C4orf54: variants seen among roughly 807,000 people sequenced by gnomAD.
The protein encoded by C4orf54 is uncharacterized protein C4orf54.
In C4orf54, 67 loss-of-function variants were observed where a neutral mutation model predicts 80.1. That is an observed-to-expected ratio of 0.84 (90% confidence interval 0.69 to 1.03). C4orf54 has a LOEUF of 1.03. Ranked by LOEUF, C4orf54 falls within the 50% of genes least tolerant of loss-of-function variation. The pLI, the probability that C4orf54 is intolerant of heterozygous loss-of-function variation, is 0.00. For missense variants in C4orf54, 2,434 were observed against 2,253.5 expected (o/e 1.08, Z -1.62); for synonymous variants, 1,000 against 917.0 (o/e 1.09, Z -1.64).
In C4orf54 at chr4:99,654,366, C is replaced by A; in HGVS notation, c.283G>T (p.Ala95Ser). 1 of 1,034,608 alleles carries A rather than the reference C, an allele frequency of 9.7e-7. No homozygotes were observed. The highest frequency in any genetic ancestry group is 1.5e-6 in the Non-Finnish European group (1 of 688,922). The allele number at this position is 1,034,608 out of a possible 1,614,324, so 64.1% of individuals were successfully genotyped here. A position where few individuals can be genotyped will look rare whatever the true frequency, so the allele number is the denominator to read the frequency against. Residue 95 changes from alanine to serine, a missense_variant, in exon 2 of 3, where the codon GCA (alanine) becomes TCA (serine). Coordinates refer to ENST00000511828, the MANE Select transcript of C4orf54 (RefSeq NM_001354435.2). Reference protein sequence around the residue: ...KNWEVVAAVAAVPTALGPVQI... With the variant: ...KNWEVVAAVASVPTALGPVQI... ...ACTGGCCCCAAGGCTGTAGGCACTG[C>A]TGCCACTGCTGCCACCACCTCCCAG...
rs1218088871 is a variant in C4orf54 at position 99,654,089 on chromosome 4, G to A, written c.560C>T (p.Ser187Phe). The A allele has an allele frequency of 2.0e-6, 3 of 1,536,036 alleles. No individual in the cohort carries two copies. Among genetic ancestry groups the A allele is most frequent in the African/African-American group, 1.4e-5 (1 of 73,050 alleles). Reference protein sequence around the residue: ...QLWPLPKPSASSQREAKYVDM... With the variant: ...QLWPLPKPSAFSQREAKYVDM... ...CACATATTTCGCTTCTCGCTGGGAGGAGGCTGAAGGCTTGGGAAGTGGCCA... is the reference window on the plus strand; with the variant it reads ...CACATATTTCGCTTCTCGCTGGGAGAAGGCTGAAGGCTTGGGAAGTGGCCA... Residue 187 changes from serine (S) to phenylalanine (F), a missense_variant, in exon 2 of 3, where the codon TCC (serine) becomes TTC (phenylalanine). Physicochemically the swap from Ser to Phe is radical, Grantham distance 155. Coordinates refer to ENST00000511828, the MANE Select transcript of C4orf54 (RefSeq NM_001354435.2).
In C4orf54 at chr4:99,651,729, C is replaced by A. The variant is rs1254988188; in HGVS notation, c.2920G>T (p.Ala974Ser). Reference sequence around the variant, plus strand: ...CTGGCAGAAATCTCCCCGAGATCAGCCCGCCAGTCGCCTCCTTTGGGCAGC... The same window carrying A: ...CTGGCAGAAATCTCCCCGAGATCAGACCGCCAGTCGCCTCCTTTGGGCAGC... ...LKLPKGGDWR[A>S]DLGEISASKN... The change falls in exon 2 of 3, where the codon GCT becomes TCT. Residue 974 changes from alanine (A) to serine (S), a missense_variant. By Grantham distance (99) the Ala-to-Ser change is moderately conservative (BLOSUM62 1). Transcript: ENST00000511828. 4.6e-6 allele frequency: 7 copies of A among 1,536,120 alleles called. No individual in the cohort carries two copies. Among genetic ancestry groups the A allele is most frequent in the Admixed American group, 3.9e-5 (2 of 50,998 alleles).
At position 99,636,771 on chromosome 4, in the gene C4orf54, C is replaced by T. The variant is rs1210916658; in HGVS notation, c.*4462G>A. 1 of 152,116 alleles carries T rather than the reference C, an allele frequency of 6.6e-6. No individual in the cohort carries two copies. The highest frequency in any genetic ancestry group is 2.4e-5 in the African/African-American group (1 of 41,424). The allele number at this position is 152,116 out of a possible 1,614,324, so 9.4% of individuals were successfully genotyped here. On this transcript the variant is annotated 3_prime_UTR_variant, in exon 3 of 3. Coordinates refer to ENST00000511828, the MANE Select transcript of C4orf54 (RefSeq NM_001354435.2). Reference sequence around the variant, plus strand: ...TTTCCTTGGCTGGATTCAAAGTCCCCTTGGCCAAGCTCATTGCATTCTATA... The same window carrying T: ...TTTCCTTGGCTGGATTCAAAGTCCCTTTGGCCAAGCTCATTGCATTCTATA...
In C4orf54 at chr4:99,652,824, C is replaced by A; in HGVS notation, c.1825G>T (p.Ala609Ser). The change falls in exon 2 of 3, where the codon GCC becomes TCC. Residue 609 changes from alanine (A) to serine (S), a missense_variant. Coordinates refer to ENST00000511828, the MANE Select transcript of C4orf54 (RefSeq NM_001354435.2). Reference sequence around the variant, plus strand: ...TCCAGTTCGCTCACGGCACTGGAGGCTCCGCTGGAGTAGTCCACCAGCTCC... The same window carrying A: ...TCCAGTTCGCTCACGGCACTGGAGGATCCGCTGGAGTAGTCCACCAGCTCC... Reference protein sequence around the residue: ...AKELVDYSSGASSAVSELDDA... With the variant: ...AKELVDYSSGSSSAVSELDDA... The A allele has an allele frequency of 6.5e-7, 1 of 1,536,116 alleles. No individual in the cohort carries two copies.
At position 99,651,478 on chromosome 4, in the gene C4orf54, G is replaced by C. The variant is rs1229168974; in HGVS notation, c.3171C>G (p.Ser1057Arg). The C allele has an allele frequency of 3.9e-6, 6 of 1,536,120 alleles. No individual in the cohort carries two copies. The African/African-American group carries it at 5.5e-5, about 14-fold the overall frequency. ...KLLTPKLAGG[S>R]ASNLFKTIED... is the part of the protein sequence containing the mutation. ...CGATGGTCTTGAACAGGTTAGAGGC[G>C]CTGCCACCGGCCAGCTTGGGCGTGA... Residue 1057 changes from serine (S) to arginine (R), a missense_variant, in exon 2 of 3, where the codon AGC becomes AGG. Transcript: ENST00000511828.
Position 99,651,510 on chromosome 4 carries a change from T to C in C4orf54, c.3139A>G (p.Lys1047Glu), listed in dbSNP as rs1413527668. The C allele has an allele frequency of 1.3e-6, 2 of 1,536,078 alleles. No homozygotes were observed. Among genetic ancestry groups the C allele is most frequent in the Admixed American group, 2.0e-5 (1 of 50,976 alleles). Residue 1047 changes from lysine (K) to glutamate (E), a missense_variant, in exon 2 of 3, where the codon AAG becomes GAG. Coordinates refer to ENST00000511828, the MANE Select transcript of C4orf54 (RefSeq NM_001354435.2). The part of the protein sequence containing the change: ...QQPSSDFNIA[K>E]LLTPKLAGGS... ...CCGGCCAGCTTGGGCGTGAGCAACT[T>C]GGCAATGTTGAAGTCTGAGCTCGGC... is the stretch of plus-strand genomic sequence containing the variant.
intron 2 of C4orf54, among the ~76,000 whole-genome samples, chr4:99,648,853 T>A (rs1276726984): frequency 2.0e-5 from 3 of 152,198 alleles, no homozygotes; most frequent in Non-Finnish European, 4.4e-5. Flanking sequence ...TCCCTGGGAC[T>A]GTCATGAACA....
In C4orf54 at chr4:99,654,137, C is replaced by T; in HGVS notation, c.512G>A (p.Ser171Asn). 1 of 1,536,156 alleles carries T rather than the reference C, an allele frequency of 6.5e-7. No individual in the cohort carries two copies. The highest frequency in any genetic ancestry group is 1.4e-5 in the African/African-American group (1 of 73,176). ...VGDGVSSAQD[S>N]QELKQQLWPL... ...CCACAGCTGCTGCTTGAGCTCCTGG[C>T]TGTCTTGAGCACTGCTCACCCCGTC... is the stretch of plus-strand genomic sequence containing the variant. The change falls in exon 2 of 3, where the codon AGC becomes AAC. Residue 171 changes from serine to asparagine, a missense_variant. Physicochemically the swap from Ser to Asn is conservative, Grantham distance 46. Transcript: ENST00000511828.
rs928844526 is a variant in C4orf54, at chr4:99,654,620, C to T, written c.29G>A (p.Arg10Gln). Residue 10 changes from arginine to glutamine, a missense_variant, in exon 2 of 3, where the codon CGG (arginine) becomes CAG (glutamine). By Grantham distance (43) the Arg-to-Gln change is conservative. Coordinates refer to ENST00000511828, the MANE Select transcript of C4orf54 (RefSeq NM_001354435.2). Reference sequence around the variant, plus strand: ...AGAAGCAGCATCTGTAGGTTGACCCCGGGACTTCCAGAAATGAAAGGAAAG... The same window carrying T: ...AGAAGCAGCATCTGTAGGTTGACCCTGGGACTTCCAGAAATGAAAGGAAAG... MLSFHFWKS[R>Q]GQPTDAASSV... The T allele has an allele frequency of 1.6e-5, 11 of 695,430 alleles. No individual in the cohort carries two copies. The highest frequency in any genetic ancestry group is 2.3e-4 in the Middle Eastern group (1 of 4,372). The allele number at this position is 695,430 out of a possible 1,614,324, so 43.1% of individuals were successfully genotyped here. A position where few individuals can be genotyped will look rare whatever the true frequency, so the allele number is the denominator to read the frequency against.
Position 99,650,770 on chromosome 4 carries a change from G to C in C4orf54, c.3879C>G (p.Leu1293=). 2 of 1,536,136 alleles carry C rather than the reference G, an allele frequency of 1.3e-6. No individual in the cohort carries two copies. The highest frequency in any genetic ancestry group is 1.7e-6 in the Non-Finnish European group (2 of 1,146,900). ...PMMMDSHVLS[L]IASEEREGVV... ...CCCCTTCCCTCTCCTCACTGGCAAT[G>C]AGCGACAGCACGTGGCTGTCCATCA... is the stretch of plus-strand genomic sequence containing the variant. The change falls in exon 2 of 3, where the codon CTC becomes CTG. Residue 1293 remains leucine (L), a synonymous_variant. Coordinates refer to ENST00000511828, the MANE Select transcript of C4orf54 (RefSeq NM_001354435.2).
At chr4:99,643,356 A>G (rs1726637004) in intron 2 of C4orf54, among the ~76,000 whole-genome samples, 1 of 152,204 alleles carries the variant, frequency 6.6e-6, no homozygotes, top group South Asian at 2.1e-4. Flanking sequence ...AGTTACTTAG[A>G]CTAGTAAGTA....
Position 99,646,753 on chromosome 4 carries a change from T to C in C4orf54, c.*36+2478A>G, listed in dbSNP as rs548638469. 5.3e-5 allele frequency among the ~76,000 whole-genome samples: 8 copies of C among 152,352 alleles called. 1 individual carries two copies. Among genetic ancestry groups the C allele is most frequent in the Middle Eastern group, 6.8e-3 (2 of 294 alleles). On this transcript the variant is annotated intron_variant, in intron 2 of 2. Coordinates refer to ENST00000511828, the MANE Select transcript of C4orf54 (RefSeq NM_001354435.2). Reference sequence around the variant, plus strand: ...TAAACCTACCCTACCTCAAAACAAATATCTGCAATAAGTCTGGTTTTTAAG... The same window carrying C: ...TAAACCTACCCTACCTCAAAACAAACATCTGCAATAAGTCTGGTTTTTAAG...
intron 2 of C4orf54, among the ~76,000 whole-genome samples, chr4:99,646,269 G>T (rs1482198871): frequency 6.6e-6 from 1 of 152,140 alleles, no homozygotes; most frequent in African/African-American, 2.4e-5. Flanking sequence ...TGGAGTGTAG[G>T]CCCCTAATTT....
Position 99,649,615 on chromosome 4 carries a change from A to T in C4orf54, c.5034T>A (p.Ile1678=). The T allele has an allele frequency of 6.5e-7, 1 of 1,536,140 alleles. No individual in the cohort carries two copies. Among genetic ancestry groups the T allele is most frequent in the Non-Finnish European group, 8.7e-7 (1 of 1,146,918 alleles). The part of the protein sequence containing the change: ...SPGAYGPTYM[I]YPGFLPTVLP... The stretch of plus-strand genomic sequence containing the variant: ...GCACGGTAGGCAGAAACCCAGGGTA[A>T]ATCATGTAGGTGGGTCCATAAGCCC... Residue 1678 remains isoleucine, a synonymous_variant, in exon 2 of 3, where the codon ATT becomes ATA. Coordinates refer to ENST00000511828, the MANE Select transcript of C4orf54 (RefSeq NM_001354435.2).
chr4:99,647,206 G>A (rs1560635923), intron 2 of C4orf54, among the ~76,000 whole-genome samples: 1 of 152,146 alleles, frequency 6.6e-6, no homozygotes, highest in Non-Finnish European at 1.5e-5. Flanking sequence ...ACAGACAGGG[G>A]AAAGGCCAAA....
In C4orf54 at chr4:99,650,412, C is replaced by T. The variant is rs745961089; in HGVS notation, c.4237G>A (p.Gly1413Ser). ...SSIQKTGGVA[G>S]KFPQGPSPES... ...GGAGAAGGCCCTTGTGGGAACTTGC[C>T]AGCGACACCCCCAGTTTTCTGGATG... The change falls in exon 2 of 3, where the codon GGC (glycine) becomes AGC (serine). Residue 1413 changes from glycine (G) to serine (S), a missense_variant. Gly to Ser is a moderately conservative substitution (Grantham distance 56). Transcript: ENST00000511828. 9.0e-5 allele frequency: 139 copies of T among 1,536,084 alleles called. No individual in the cohort carries two copies. The highest frequency in any genetic ancestry group is 1.2e-4 in the Non-Finnish European group (133 of 1,146,896).
At position 99,649,460 on chromosome 4, in the gene C4orf54, G is replaced by C; in HGVS notation, c.5189C>G (p.Ala1730Gly). ...ATFTEAPYFM[A>G]SGQSPASSTS... The stretch of plus-strand genomic sequence containing the variant: ...TGAGGAGGCCGGAGACTGACCAGAA[G>C]CCATGAAGTATGGGGCCTCGGTGAA... Residue 1730 changes from alanine to glycine, a missense_variant, in exon 2 of 3, where the codon GCT becomes GGT. Ala to Gly is a moderately conservative substitution (Grantham distance 60). Transcript: ENST00000511828. The C allele has an allele frequency of 1.3e-6, 2 of 1,536,168 alleles. No individual in the cohort carries two copies. Among genetic ancestry groups the C allele is most frequent in the Non-Finnish European group, 1.7e-6 (2 of 1,146,924 alleles).
In C4orf54 at chr4:99,651,440, C is replaced by T; in HGVS notation, c.3209G>A (p.Arg1070Lys). Residue 1070 changes from arginine (R) to lysine (K), a missense_variant, in exon 2 of 3, where the codon AGG (arginine) becomes AAG (lysine). Arg to Lys is a conservative substitution (Grantham distance 26). Coordinates refer to ENST00000511828, the MANE Select transcript of C4orf54 (RefSeq NM_001354435.2). The stretch of plus-strand genomic sequence containing the variant: ...CCCGCGGAAGAGTTTCTGCTGTGCC[C>T]TGCTGTTGTCCTCGATGGTCTTGAA... ...NLFKTIEDNS[R>K]AQQKLFRGDN... 1 of 1,536,318 alleles carries T rather than the reference C, an allele frequency of 6.5e-7. No homozygotes were observed. The highest frequency in any genetic ancestry group is 1.2e-5 in the South Asian group (1 of 84,058).
Position 99,652,275 on chromosome 4 carries a change from C to T in C4orf54, c.2374G>A (p.Glu792Lys), listed in dbSNP as rs1249418139. 4 of 1,535,912 alleles carry T rather than the reference C, an allele frequency of 2.6e-6. No homozygotes were observed. Among genetic ancestry groups the T allele is most frequent in the East Asian group, 2.4e-5 (1 of 40,886 alleles). The change falls in exon 2 of 3, where the codon GAG becomes AAG. Residue 792 changes from glutamate (E) to lysine (K), a missense_variant. Coordinates refer to ENST00000511828, the MANE Select transcript of C4orf54 (RefSeq NM_001354435.2). ...AYTDDGSETS[E>K]GSKPTSRADG... ...GCGCGGGAGGTGGGCTTGCTGCCCT[C>T]GGAGGTCTCGGAGCCGTCGTCCGTG...
Sources: gnomAD v4.1 joint callset for allele counts (sites outside exome capture counted in the v4.1 genomes callset) on GRCh38, gnomAD v4.1.1 for gene constraint, MANE v1.5 for transcripts, NCBI Gene and HGNC (gene_info 2026-07-23, HGNC 2026-07-21) for gene names.